The following NWD1 variants were observed in gnomAD, a reference collection of about 807,000 sequenced individuals.
NWD1 encodes NACHT domain- and WD repeat-containing protein 1.
A neutral mutation model predicts 135.1 loss-of-function variants in NWD1; 129 were observed. The ratio of observed to expected loss-of-function variants is 0.96; its 90% CI spans 0.83 to 1.11. NWD1 has a LOEUF of 1.11. NWD1 is among the 50% of genes least tolerant of loss of function. The pLI is 0.00. For missense variants in NWD1, 1,740 were observed against 1,851.3 expected (o/e 0.94, Z 1.10); for synonymous variants, 773 against 786.0 (o/e 0.98, Z 0.28).
At chr19:16,806,001 T>G (rs1387126635) in intron 17 of NWD1, among the ~76,000 whole-genome samples, 2 of 152,060 alleles carry the variant, frequency 1.3e-5, no homozygotes, top group African/African-American at 4.8e-5. Context: ...CCCTTCCAAG[T>G]AGCTGGGATT....
At chr19:16,778,779 C>T (rs949238355) in intron 11 of NWD1, among the ~76,000 whole-genome samples, 1 of 152,098 alleles carries the variant, frequency 6.6e-6, no homozygotes, top group Non-Finnish European at 1.5e-5. Context: ...AAAGTTTGGC[C>T]TCCCAAAGTA....
chr19:16,788,701 G>A (rs1300104272), intron 12 of NWD1, among the ~76,000 whole-genome samples: 1 of 152,126 alleles, frequency 6.6e-6, no homozygotes, highest in Non-Finnish European at 1.5e-5. Flanking sequence ...TTTCTGTAAG[G>A]TTGCAGTAGC....
rs1159801645 is a variant in NWD1 at position 16,732,666 on chromosome 19, AAAAG to A, written c.81+1392_81+1395del. On this transcript the variant is annotated intron_variant, in intron 3 of 18. Coordinates refer to ENST00000524140, the MANE Select transcript of NWD1 (RefSeq NM_001007525.5). ...CAAGACTTCATCTCAAAAAAAAAAA[AAAAG>A]AAAAAGTGAAAAAGTGCAGTGGTGT... Among the ~76,000 whole-genome samples, 4 of 141,540 alleles carry A rather than the reference AAAAG, an allele frequency of 2.8e-5. 1 individual carries two copies. The highest frequency in any genetic ancestry group is 3.9e-4 in the East Asian group (2 of 5,132). The allele number at this position is 141,540 out of a possible 152,430, so 92.9% of individuals were successfully genotyped here. A position where few individuals can be genotyped will look rare whatever the true frequency, so the allele number is the denominator to read the frequency against.
At chr19:16,797,528 A>G (rs1196772129) in intron 15 of NWD1, among the ~76,000 whole-genome samples, 2 of 151,988 alleles carry the variant, frequency 1.3e-5, no homozygotes, top group African/African-American at 4.8e-5. Flanking sequence ...AATAAAATAC[A>G]TGAAACATCG....
intron 17 of NWD1, among the ~76,000 whole-genome samples, chr19:16,806,499 C>T (rs539803033): frequency 1.3e-4 from 20 of 152,146 alleles, no homozygotes; most frequent in African/African-American, 3.9e-4. Flanking sequence ...GTGGGAGGAT[C>T]GTTTGAGCCC....
chr19:16,736,439 G>A (rs2122726527), intron 3 of NWD1, among the ~76,000 whole-genome samples, 195 bp from the exon 4 acceptor site: 1 of 151,976 alleles, frequency 6.6e-6, no homozygotes, highest in Non-Finnish European at 1.5e-5. Flanking sequence ...CTCTAGTCTG[G>A]GTCTGTCTGT....
chr19:16,798,453 A>C (rs1167521537), intron 16 of NWD1, among the ~76,000 whole-genome samples: 1 of 152,068 alleles, frequency 6.6e-6, no homozygotes, highest in Non-Finnish European at 1.5e-5. Context: ...CTACAAAAAA[A>C]CACAAAAATT....
At chr19:16,790,631 T>A (rs1970208144) in intron 13 of NWD1, among the ~76,000 whole-genome samples, 1 of 60,100 alleles carries the variant, frequency 1.7e-5, no homozygotes, top group Non-Finnish European at 3.8e-5. Flanking sequence ...GAAAGTAACA[T>A]TAAAAAAAAA....
chr19:16,800,627 A>G (rs1247658027), intron 17 of NWD1, among the ~76,000 whole-genome samples: 2 of 152,180 alleles, frequency 1.3e-5, no homozygotes, highest in Admixed American at 6.5e-5. Flanking sequence ...GTTCCAGATC[A>G]AAGTGCAAGC....
In NWD1 at chr19:16,815,304, G is replaced by A; in HGVS notation, c.*265G>A. 1.3e-6 allele frequency: 1 copy of A among 780,612 alleles called. No individual in the cohort carries two copies. 48.4% of individuals were successfully genotyped at this position (780,612 alleles called of 1,614,324 possible). A position where few individuals can be genotyped will look rare whatever the true frequency, so the allele number is the denominator to read the frequency against. On this transcript the variant is annotated 3_prime_UTR_variant, in exon 19 of 19. Transcript: ENST00000524140. ...GGAAATGAAACCAAATCAAACAAAT[G>A]CTCACAAGTGTGCCTGATAGTGTAA...
intron 5 of NWD1, among the ~76,000 whole-genome samples, chr19:16,745,906 G>C (rs1968293287): frequency 6.6e-6 from 1 of 152,074 alleles, no homozygotes; most frequent in Non-Finnish European, 1.5e-5. Flanking sequence ...GACAGAGTGA[G>C]ACCCTGTCTC....
chr19:16,765,004 T>C, intron 9 of NWD1, 30 bp from the exon 10 acceptor site: 3 of 1,611,804 alleles, frequency 1.9e-6, no homozygotes, highest in Non-Finnish European at 2.5e-6. Flanking sequence ...GGTAGGCACT[T>C]CCCACATCCT....
At chr19:16,805,238 T>A (rs1354153207) in intron 17 of NWD1, among the ~76,000 whole-genome samples, 1 of 151,868 alleles carries the variant, frequency 6.6e-6, no homozygotes, top group Admixed American at 6.6e-5. Context: ...TTTGTATTTT[T>A]AGTAGAGATG....
chr19:16,758,387 C>T (rs1239494060), intron 6 of NWD1, among the ~76,000 whole-genome samples: 9 of 152,154 alleles, frequency 5.9e-5, no homozygotes, highest in African/African-American at 2.2e-4. Flanking sequence ...AGTGATCCTC[C>T]CACCTCAGCC....
At chr19:16,765,285 C>T in intron 10 of NWD1, 93 bp downstream of exon 10, 3 of 1,268,198 alleles carry the variant, frequency 2.4e-6, no homozygotes, top group East Asian at 2.5e-5. Flanking sequence ...GGATTTTCAT[C>T]AATTCTCATA....
chr19:16,773,310 C>A lies in NWD1; in HGVS notation c.2595C>A (p.Ser865Arg), dbSNP rs748554817. ...PPGGPLRATLSGCHKGITAMA... is the reference protein window; with the variant it reads ...PPGGPLRATLRGCHKGITAMA... ...GAGGACCCCTCCGGGCAACTCTCAG[C>A]GGCTGTCACAAAGGTGAGTCTCCCC... The change falls in exon 11 of 19, where the codon AGC (serine) becomes AGA (arginine). Residue 865 changes from serine (S) to arginine (R), a missense_variant. Ser to Arg is a moderately radical substitution (Grantham distance 110). Transcript: ENST00000524140. 5.0e-6 allele frequency: 8 copies of A among 1,612,252 alleles called. No individual in the cohort carries two copies. The East Asian group carries it at 1.8e-4, about 36-fold the overall frequency.
intron 8 of NWD1, among the ~76,000 whole-genome samples, chr19:16,762,821 G>A (rs1969073796): frequency 6.6e-6 from 1 of 151,080 alleles, no homozygotes; most frequent in African/African-American, 2.4e-5. Context: ...GTCTTGCTCT[G>A]TCACCCAGGC....
chr19:16,726,440 T>C (rs1967332326), intron 2 of NWD1, among the ~76,000 whole-genome samples: 1 of 151,928 alleles, frequency 6.6e-6, no homozygotes, highest in Non-Finnish European at 1.5e-5. Context: ...GTTTTCTTTC[T>C]TTTTTTCTTT....
chr19:16,723,855 C>G (rs749085477), intron 1 of NWD1, among the ~76,000 whole-genome samples: 1 of 151,972 alleles, frequency 6.6e-6, no homozygotes, highest in Non-Finnish European at 1.5e-5. Flanking sequence ...ACCGTCATGC[C>G]CGGCTAATTT....
Sources: gnomAD v4.1 joint callset for allele counts (sites outside exome capture counted in the v4.1 genomes callset) on GRCh38, gnomAD v4.1.1 for gene constraint, MANE v1.5 for transcripts, NCBI Gene and HGNC (gene_info 2026-07-23, HGNC 2026-07-21) for gene names.